The following CCSER2 variants were observed in gnomAD, a reference collection of about 807,000 sequenced individuals.
CCSER2 encodes the protein serine-rich coiled-coil domain-containing protein 2.
In CCSER2, 46 loss-of-function variants were observed where a neutral mutation model predicts 92.3. The observed-to-expected ratio is 0.50, with a 90% CI of 0.39 to 0.64. CCSER2 has a LOEUF of 0.64. Ranked by LOEUF, CCSER2 falls within the 30% of genes least tolerant of loss-of-function variation. The pLI is 0.00. For synonymous variants in CCSER2, 433 were observed against 431.4 expected (o/e 1.00, Z -0.04); for missense variants, 1,244 against 1,238.9 (o/e 1.00, Z -0.06).
At chr10:84,352,088 CAGG>C (rs1242729602) in intron 1 of CCSER2, among the ~76,000 whole-genome samples, 1 of 152,068 alleles carries the variant, frequency 6.6e-6, no homozygotes, top group African/African-American at 2.4e-5. Context: ...ATCACGAGGT[CAGG>C]AGATCGAGAC....
intron 6 of CCSER2, among the ~76,000 whole-genome samples, chr10:84,453,540 C>T (rs189492415): frequency 7.9e-5 from 12 of 152,214 alleles, no homozygotes; most frequent in Admixed American, 2.6e-4. Flanking sequence ...TGGCTCTGTT[C>T]GTTTGAATGG....
chr10:84,408,562 T>C (rs1166626779), intron 3 of CCSER2, among the ~76,000 whole-genome samples: 1 of 152,182 alleles, frequency 6.6e-6, no homozygotes, highest in Non-Finnish European at 1.5e-5. Context: ...TAGAGTAGGC[T>C]CACTCCCATT....
At chr10:84,379,919 T>C (rs182677416) in intron 3 of CCSER2, among the ~76,000 whole-genome samples, 220 of 152,344 alleles carry the variant, frequency 1.4e-3, no homozygotes, top group Non-Finnish European at 2.7e-3. Flanking sequence ...TCTTTATTGC[T>C]AATAATAATG....
At chr10:84,473,138 T>A (rs1049350633) in intron 8 of CCSER2, 1 of 152,204 alleles carries the variant, frequency 6.6e-6, no homozygotes, top group Non-Finnish European at 1.5e-5. Context: ...AAAGCATTAA[T>A]CTTTATCAGT....
In CCSER2 at chr10:84,516,516, A is replaced by G. The variant is rs1036211474; in HGVS notation, c.*2249A>G. 2 of 152,156 alleles carry G rather than the reference A, an allele frequency of 1.3e-5. No homozygotes were observed. Among genetic ancestry groups the G allele is most frequent in the African/African-American group, 4.8e-5 (2 of 41,434 alleles). The allele number at this position is 152,156 out of a possible 1,614,324, so 9.4% of individuals were successfully genotyped here. A position where few individuals can be genotyped will look rare whatever the true frequency, so the allele number is the denominator to read the frequency against. On this transcript the variant is annotated 3_prime_UTR_variant, in exon 10 of 10. Transcript: ENST00000372088. ...TCATACTATATTCCCCTAAAGTAAA[A>G]CCAGTGACTTAGTGGTTTTTGGTTT...
intron 1 of CCSER2, among the ~76,000 whole-genome samples, chr10:84,348,257 C>T (rs1844647139): frequency 6.6e-6 from 1 of 152,242 alleles, no homozygotes; most frequent in South Asian, 2.1e-4. Context: ...TGGAGACCCG[C>T]CCGGCCAACA....
At chr10:84,419,381 A>G (rs1011396969) in intron 4 of CCSER2, among the ~76,000 whole-genome samples, 1 of 151,934 alleles carries the variant, frequency 6.6e-6, no homozygotes, top group South Asian at 2.1e-4. Flanking sequence ...AAATAAAGAA[A>G]AACACCCACA....
intron 9 of CCSER2, among the ~76,000 whole-genome samples, chr10:84,511,243 G>T (rs1332996505): frequency 1.3e-5 from 2 of 152,088 alleles, no homozygotes; most frequent in African/African-American, 4.8e-5. Context: ...TTTAATACAA[G>T]TAGCTTGTCT....
At chr10:84,447,412 G>A (rs920190524) in intron 6 of CCSER2, among the ~76,000 whole-genome samples, 2 of 152,158 alleles carry the variant, frequency 1.3e-5, no homozygotes, top group African/African-American at 4.8e-5. Context: ...GTGTGTATGA[G>A]AGCGAGATTT....
Position 84,431,568 on chromosome 10 carries a change from C to T in CCSER2, c.1868+5675C>T, listed in dbSNP as rs141455987. On this transcript the variant is annotated intron_variant, in intron 5 of 9. Transcript: ENST00000372088. ...ACAGCCTGGGCACATATTGAGTCCT[C>T]GTTTTGACAAAAAAATCAAAAAAAT... Among the ~76,000 whole-genome samples, 252 of 152,096 alleles carry T rather than the reference C, an allele frequency of 1.7e-3. 1 individual carries two copies. Among genetic ancestry groups the T allele is most frequent in the East Asian group, 5.6e-3 (29 of 5,174 alleles).
At chr10:84,405,682 G>C (rs1842341490) in intron 3 of CCSER2, among the ~76,000 whole-genome samples, 1 of 152,174 alleles carries the variant, frequency 6.6e-6, no homozygotes, top group Non-Finnish European at 1.5e-5. Flanking sequence ...AAGGATGTAA[G>C]AGTGGCACAT....
intron 1 of CCSER2, among the ~76,000 whole-genome samples, chr10:84,335,300 C>G (rs949182656): frequency 5.9e-5 from 8 of 135,262 alleles, no homozygotes; most frequent in Non-Finnish European, 1.1e-4. Context: ...GTCATCATGG[C>G]TCACTGCAGC....
At chr10:84,354,834 T>A (rs756215416) in intron 1 of CCSER2, among the ~76,000 whole-genome samples, 1 of 151,460 alleles carries the variant, frequency 6.6e-6, no homozygotes, top group African/African-American at 2.4e-5. Flanking sequence ...CCAGACATAA[T>A]GTTTGCCCTC....
chr10:84,414,125 T>C (rs1842783037), intron 3 of CCSER2, among the ~76,000 whole-genome samples: 1 of 152,256 alleles, frequency 6.6e-6, no homozygotes, highest in Non-Finnish European at 1.5e-5. Context: ...GTCTTTTAAT[T>C]GGGGCATTTA....
In CCSER2 at chr10:84,349,340, A is replaced by G. The variant is rs892094667; in HGVS notation, c.-40+20532A>G. 3.3e-5 allele frequency among the ~76,000 whole-genome samples: 5 copies of G among 152,240 alleles called. No individual in the cohort carries two copies. The South Asian group carries it at 6.2e-4, about 19-fold the overall frequency. ...CTTTATCCTTTGAGTTTAACCCATC[A>G]CTGAGTCCTGTAGTTTCTCTCTCCC... On this transcript the variant is annotated intron_variant, in intron 1 of 9. Coordinates refer to ENST00000372088, the MANE Select transcript of CCSER2 (RefSeq NM_001284240.2).
chr10:84,346,664 A>G (rs576073713), intron 1 of CCSER2, among the ~76,000 whole-genome samples: 11 of 151,898 alleles, frequency 7.2e-5, no homozygotes, highest in Non-Finnish European at 1.5e-4. Flanking sequence ...GCCATCTGTT[A>G]CAGATCAGGA....
chr10:84,481,331 T>G (rs1015169577), intron 9 of CCSER2, among the ~76,000 whole-genome samples: 1 of 152,088 alleles, frequency 6.6e-6, no homozygotes, highest in Non-Finnish European at 1.5e-5. Context: ...CATGCTATTT[T>G]CTGCATATAT....
intron 9 of CCSER2, among the ~76,000 whole-genome samples, chr10:84,478,144 A>G (rs973329821): frequency 6.6e-6 from 1 of 152,246 alleles, no homozygotes; most frequent in African/African-American, 2.4e-5. Flanking sequence ...AATAAAAGTT[A>G]TGTTTTAGGC....
chr10:84,332,634 A>G (rs1843643983), intron 1 of CCSER2, among the ~76,000 whole-genome samples: 1 of 150,708 alleles, frequency 6.6e-6, no homozygotes, highest in African/African-American at 2.4e-5. Context: ...AGATGGGGTA[A>G]TCCCTATATT....
Sources: allele counts gnomAD v4.1 joint callset (sites outside exome capture counted in the v4.1 genomes callset), GRCh38; gene constraint gnomAD v4.1.1; transcripts MANE v1.5; gene names NCBI Gene and HGNC (gene_info 2026-07-23, HGNC 2026-07-21).